The following FBXL17 variants were observed in gnomAD, a reference collection of about 807,000 sequenced individuals.
FBXL17 encodes F-box and leucine rich repeat protein 17, also known as F-box/LRR-repeat protein 17.
A neutral mutation model predicts 66.2 loss-of-function variants in FBXL17; 22 were observed. That is an observed-to-expected ratio of 0.33 (90% CI 0.24 to 0.47). The LOEUF is 0.47. FBXL17 is among the 20% of genes least tolerant of loss of function. FBXL17 has a pLI of 1.00. For missense variants in FBXL17, 878 were observed against 948.2 expected (o/e 0.93, Z 0.97); for synonymous variants, 474 against 400.5 (o/e 1.18, Z -2.19).
intron 6 of FBXL17, among the ~76,000 whole-genome samples, chr5:108,150,701 T>C: frequency 6.6e-6 from 1 of 152,194 alleles, no homozygotes; most frequent in Admixed American, 6.5e-5. Context: ...TAAATTCAGA[T>C]TAAACATTTT....
At chr5:108,209,222 G>T (rs949944225) in intron 5 of FBXL17, among the ~76,000 whole-genome samples, 9 of 152,156 alleles carry the variant, frequency 5.9e-5, no homozygotes, top group Admixed American at 3.3e-4. Context: ...CTGAGATGAT[G>T]GGGTTTTCTA....
chr5:108,363,611 T>C (rs901151878), intron 3 of FBXL17, among the ~76,000 whole-genome samples: 1 of 151,950 alleles, frequency 6.6e-6, no homozygotes, highest in African/African-American at 2.4e-5. Context: ...ATAAGATAAA[T>C]TCATAATACT....
At chr5:108,281,760 GACAA>G (rs1363573329) in intron 4 of FBXL17, among the ~76,000 whole-genome samples, 7 of 151,404 alleles carry the variant, frequency 4.6e-5, no homozygotes, top group African/African-American at 1.5e-4. Flanking sequence ...TTTTCAAAAA[GACAA>G]ACAAAATTGA....
intron 7 of FBXL17, among the ~76,000 whole-genome samples, chr5:107,972,763 T>A (rs926701337): frequency 1.9e-4 from 29 of 152,202 alleles, no homozygotes; most frequent in African/African-American, 7.0e-4. Flanking sequence ...CTATTTTACA[T>A]CCCATAAAGA....
At chr5:108,185,977 G>T in intron 6 of FBXL17, 140 bp downstream of exon 6, 2 of 656,410 alleles carry the variant, frequency 3.0e-6, no homozygotes, top group Non-Finnish European at 5.0e-6. Context: ...AGATCTAGAT[G>T]GTTTTCAAAA....
intron 4 of FBXL17, chr5:108,298,659 A>C: frequency 1.2e-6 from 1 of 859,734 alleles, no homozygotes; most frequent in Non-Finnish European, 1.4e-6. Flanking sequence ...TCATCCTTTG[A>C]TATAGTAATA....
Position 108,026,163 on chromosome 5 carries a change from G to A in FBXL17, c.1746-5162C>T, listed in dbSNP as rs1257240605. Among the ~76,000 whole-genome samples, 3 of 152,120 alleles carry A rather than the reference G, an allele frequency of 2.0e-5. No individual in the cohort carries two copies. In the East Asian group the frequency reaches 5.8e-4, roughly 29 times the overall value. On this transcript the variant is annotated intron_variant, in intron 6 of 8. Transcript: ENST00000542267. ...AGTCAAAAGGCCAAGAAGTAATCAA[G>A]TATCTATTAATAGTATGCTTCCCCT...
intron 3 of FBXL17, among the ~76,000 whole-genome samples, chr5:108,350,053 T>C (rs1320943180): frequency 6.6e-6 from 1 of 152,206 alleles, no homozygotes. Flanking sequence ...TTTTATTGAA[T>C]TCATTAAAAG....
At chr5:108,013,439 C>T (rs535121014) in intron 7 of FBXL17, among the ~76,000 whole-genome samples, 4 of 152,346 alleles carry the variant, frequency 2.6e-5, no homozygotes, top group African/African-American at 7.2e-5. Flanking sequence ...CCTGTTCTTG[C>T]TCTGAGCCTT....
intron 4 of FBXL17, among the ~76,000 whole-genome samples, chr5:108,254,285 C>T (rs1193339881): frequency 6.6e-6 from 1 of 152,174 alleles, no homozygotes; most frequent in Non-Finnish European, 1.5e-5. Flanking sequence ...ATATTCAAGG[C>T]AATTTCCCTA....
intron 7 of FBXL17, among the ~76,000 whole-genome samples, chr5:107,954,132 T>C (rs182289022): frequency 6.6e-6 from 1 of 152,378 alleles, no homozygotes; most frequent in East Asian, 1.9e-4. Context: ...TAGTTTTGAA[T>C]ATTAAAACCA....
At chr5:108,274,777 T>G (rs1293248047) in intron 4 of FBXL17, among the ~76,000 whole-genome samples, 1 of 152,232 alleles carries the variant, frequency 6.6e-6, no homozygotes, top group Non-Finnish European at 1.5e-5. Flanking sequence ...TCCACGTTCT[T>G]CTGCCATGGC....
At chr5:108,125,273 A>T (rs1189876007) in intron 6 of FBXL17, among the ~76,000 whole-genome samples, 1 of 152,100 alleles carries the variant, frequency 6.6e-6, no homozygotes, top group Admixed American at 6.5e-5. Flanking sequence ...CATGTACCCC[A>T]TAAATATATA....
chr5:108,084,458 A>C (rs2149922656), intron 6 of FBXL17, among the ~76,000 whole-genome samples: 1 of 152,358 alleles, frequency 6.6e-6, no homozygotes, highest in East Asian at 1.9e-4. Flanking sequence ...AATAAGTTTC[A>C]TCTGGAAAAA....
intron 7 of FBXL17, among the ~76,000 whole-genome samples, chr5:107,928,149 CTT>C (rs1046483488): frequency 6.6e-5 from 10 of 151,916 alleles, no homozygotes; most frequent in African/African-American, 2.4e-4. Flanking sequence ...ACCAGTATAT[CTT>C]AAAATCTGGT....
At chr5:108,347,143 C>T (rs1747332970) in intron 4 of FBXL17, among the ~76,000 whole-genome samples, 1 of 152,140 alleles carries the variant, frequency 6.6e-6, no homozygotes, top group Non-Finnish European at 1.5e-5. Context: ...ACAGAATGTA[C>T]TTACACAAAC....
At chr5:107,865,899 C>T (rs1748256868) in intron 8 of FBXL17, among the ~76,000 whole-genome samples, 1 of 152,138 alleles carries the variant, frequency 6.6e-6, no homozygotes, top group South Asian at 2.1e-4. Flanking sequence ...TCCATAAGTG[C>T]TTTGGTGCCA....
At chr5:108,009,420 GT>G (rs1402493825) in intron 7 of FBXL17, among the ~76,000 whole-genome samples, 1 of 149,732 alleles carries the variant, frequency 6.7e-6, no homozygotes, top group South Asian at 2.1e-4. Flanking sequence ...CTAATTTTTA[GT>G]TTTTTAAAAT....
chr5:107,993,117 G>C (rs939425116), intron 7 of FBXL17, among the ~76,000 whole-genome samples: 1 of 152,038 alleles, frequency 6.6e-6, no homozygotes, highest in Admixed American at 6.6e-5. Flanking sequence ...GGATGGTCTC[G>C]ATCTCCTGAC....
Sources: gnomAD v4.1 joint callset for allele counts (sites outside exome capture counted in the v4.1 genomes callset) on GRCh38, gnomAD v4.1.1 for gene constraint, MANE v1.5 for transcripts, NCBI Gene and HGNC (gene_info 2026-07-23, HGNC 2026-07-21) for gene names.